Variants in TMEM132B observed in about 807,000 individuals in gnomAD.
TMEM132B encodes the protein transmembrane protein 132B.
Under a neutral mutation model 90.8 loss-of-function variants are expected in TMEM132B, and 18 were observed. The observed-to-expected ratio is 0.20, with a 90% CI of 0.14 to 0.29. The LOEUF (loss-of-function observed/expected upper bound fraction) is 0.29. Among genes scored for constraint, TMEM132B ranks in the 10% least tolerant of loss-of-function variants. The probability of loss-of-function intolerance (pLI) is 1.00; values close to 1 mark genes in which losing one functional copy is unlikely to be tolerated. For synonymous variants in TMEM132B, 504 were observed against 523.3 expected, an observed-to-expected ratio of 0.96 and a Z score of 0.50; for missense variants, 1,096 against 1,326.8, an observed-to-expected ratio of 0.83 and a Z score of 2.70.
At chr12:125,293,669 G>T (rs1469253174) in intron 1 of TMEM132B, among the ~76,000 whole-genome samples, 3 of 152,156 alleles carry the variant, frequency 2.0e-5, no homozygotes, top group African/African-American at 7.2e-5. Context: ...TGGTGTATAT[G>T]CGTCATGTTT....
chr12:125,321,926 C>G (rs956495583), intron 1 of TMEM132B, among the ~76,000 whole-genome samples: 5 of 151,928 alleles, frequency 3.3e-5, no homozygotes, highest in Non-Finnish European at 7.4e-5. Context: ...TGTCCATCAA[C>G]TAGTGAATGC....
intron 2 of TMEM132B, among the ~76,000 whole-genome samples, chr12:125,393,622 G>A (rs975735021): frequency 3.3e-5 from 5 of 152,098 alleles, no homozygotes; most frequent in East Asian, 1.9e-4. Flanking sequence ...CACATCAGTC[G>A]GGGTTCAGGC....
rs957751870 is a variant in TMEM132B, at chr12:125,655,408, A to G, written c.*698A>G. On this transcript the variant is annotated 3_prime_UTR_variant, in exon 9 of 9. Transcript: ENST00000682704. ...TCTAGGGATGGTATCCAAGAAGCTT[A>G]TTCTCACTTTGTTTTTTCCTTCCTT... is the stretch of plus-strand genomic sequence containing the variant. 1 of 152,212 alleles carries G rather than the reference A, an allele frequency of 6.6e-6. No homozygotes were observed. The highest frequency in any genetic ancestry group is 1.5e-5 in the Non-Finnish European group (1 of 68,040). The allele number at this position is 152,212 out of a possible 1,614,324, so 9.4% of individuals were successfully genotyped here.
At chr12:125,202,383 C>T (rs770393022) in intron 1 of TMEM132B, among the ~76,000 whole-genome samples, 19 of 152,352 alleles carry the variant, frequency 1.2e-4, no homozygotes, top group African/African-American at 2.9e-4. Flanking sequence ...GCCAGAGGTC[C>T]GTCCTCTGCC....
chr12:125,482,804 ATT>A, intron 3 of TMEM132B, among the ~76,000 whole-genome samples: 1 of 152,234 alleles, frequency 6.6e-6, no homozygotes, highest in Non-Finnish European at 1.5e-5. Context: ...AAGTATGTTT[ATT>A]GCGGCACTAT....
chr12:125,513,018 C>G (rs372256968), intron 3 of TMEM132B, among the ~76,000 whole-genome samples: 3 of 152,204 alleles, frequency 2.0e-5, no homozygotes, highest in Non-Finnish European at 4.4e-5. Context: ...GGGGACCCCA[C>G]GCAGTGGGGC....
intron 5 of TMEM132B, among the ~76,000 whole-genome samples, chr12:125,598,293 C>T (rs1447847583): frequency 2.0e-5 from 3 of 152,100 alleles, no homozygotes. Context: ...TAAAGATTTC[C>T]CTTCAGACTG....
intron 5 of TMEM132B, among the ~76,000 whole-genome samples, chr12:125,626,519 TAA>T (rs545475863): frequency 6.6e-6 from 1 of 152,160 alleles, no homozygotes; most frequent in Non-Finnish European, 1.5e-5. Context: ...AGCTTTTGTC[TAA>T]AAAAATTATT....
At chr12:125,516,689 C>T (rs1419620096) in intron 3 of TMEM132B, among the ~76,000 whole-genome samples, 2 of 152,304 alleles carry the variant, frequency 1.3e-5, no homozygotes, top group Non-Finnish European at 2.9e-5. Context: ...ATGAATCTAG[C>T]AGGATGAAAT....
chr12:125,357,095 G>A (rs1877799496), intron 2 of TMEM132B, among the ~76,000 whole-genome samples: 2 of 152,164 alleles, frequency 1.3e-5, no homozygotes, highest in Admixed American at 1.3e-4. Flanking sequence ...ATGAATGAAT[G>A]TATCCTAGGT....
At chr12:125,262,245 CAAAAAAAAAAA>C (rs11307058) in intron 1 of TMEM132B, among the ~76,000 whole-genome samples, 1 of 84,310 alleles carries the variant, frequency 1.2e-5, no homozygotes, top group Non-Finnish European at 2.4e-5. Context: ...CCTGTTTCTA[CAAAAAAAAAAA>C]AAAAAAAAAA....
At chr12:125,610,561 A>G (rs1047303596) in intron 5 of TMEM132B, among the ~76,000 whole-genome samples, 4 of 152,014 alleles carry the variant, frequency 2.6e-5, no homozygotes, top group Non-Finnish European at 5.9e-5. Flanking sequence ...TCTGATGTCA[A>G]ACTAACCCTA....
At chr12:125,299,837 C>T (rs957747512) in intron 1 of TMEM132B, among the ~76,000 whole-genome samples, 1 of 152,252 alleles carries the variant, frequency 6.6e-6, no homozygotes, top group Non-Finnish European at 1.5e-5. Context: ...CTGGACCGGC[C>T]TGCGTCCCCC....
intron 4 of TMEM132B, among the ~76,000 whole-genome samples, chr12:125,524,381 A>T (rs560467270): frequency 6.6e-6 from 1 of 152,320 alleles, no homozygotes; most frequent in African/African-American, 2.4e-5. Context: ...GGAAAATTTC[A>T]ATTATGATTA....
chr12:125,562,824 C>T (rs553224581), intron 4 of TMEM132B, among the ~76,000 whole-genome samples: 1 of 152,114 alleles, frequency 6.6e-6, no homozygotes, highest in Non-Finnish European at 1.5e-5. Context: ...TCACCTTATG[C>T]CACGGTGGTG....
At chr12:125,541,720 A>C (rs1883961299) in intron 4 of TMEM132B, among the ~76,000 whole-genome samples, 1 of 151,886 alleles carries the variant, frequency 6.6e-6, no homozygotes, top group South Asian at 2.1e-4. Flanking sequence ...CTGTGAGTCC[A>C]CCGAGACCTG....
At chr12:125,329,255 G>C (rs997558676) in intron 1 of TMEM132B, among the ~76,000 whole-genome samples, 2 of 152,184 alleles carry the variant, frequency 1.3e-5, no homozygotes, top group African/African-American at 2.4e-5. Flanking sequence ...CCTTGATCTT[G>C]GTCTTCCAGC....
chr12:125,510,837 GTAT>G (rs1284411395), intron 3 of TMEM132B, among the ~76,000 whole-genome samples: 1 of 152,034 alleles, frequency 6.6e-6, no homozygotes, highest in Non-Finnish European at 1.5e-5. Context: ...TTTATAAAAA[GTAT>G]TATACCATTC....
Position 125,411,180 on chromosome 12 carries a change from T to TGAGTGGAGTGAGTGGAGTGGAGTG in TMEM132B, c.960-4343_960-4342insTGAGTGGAGTGGAGTGGAGTGGAG, listed in dbSNP as rs1879823734. On this transcript the variant is annotated intron_variant, in intron 2 of 8. Transcript: ENST00000682704. The stretch of plus-strand genomic sequence containing the variant: ...AGGAGTGGAGTGGAGTGGAGTGGAG[T>TGAGTGGAGTGAGTGGAGTGGAGTG]GAGTGGAGGAGTGGAGTGGAGTGGA... Among the ~76,000 whole-genome samples the TGAGTGGAGTGAGTGGAGTGGAGTG allele has an allele frequency of 8.7e-5, 4 of 45,766 alleles. 1 individual carries two copies. The highest frequency in any genetic ancestry group is 2.8e-4 in the African/African-American group (3 of 10,878). The allele number at this position is 45,766 out of a possible 152,430, so 30.0% of individuals were successfully genotyped here. A position where few individuals can be genotyped will look rare whatever the true frequency, so the allele number is the denominator to read the frequency against.
Sources: gnomAD v4.1 joint callset for allele counts (sites outside exome capture counted in the v4.1 genomes callset) on GRCh38, gnomAD v4.1.1 for gene constraint, MANE v1.5 for transcripts, NCBI Gene and HGNC (gene_info 2026-07-23, HGNC 2026-07-21) for gene names.